FARP1: variants seen among roughly 807,000 people sequenced by gnomAD.
The protein encoded by FARP1 is FERM, ARHGEF and pleckstrin domain-containing protein 1.
Under a neutral mutation model 128.8 loss-of-function variants are expected in FARP1, and 52 were observed. That is an observed-to-expected ratio of 0.40 (90% CI 0.32 to 0.51). FARP1 has a LOEUF of 0.51. FARP1 is among the 20% of genes least tolerant of loss of function. The probability of loss-of-function intolerance (pLI) is 0.45; values close to 1 mark genes in which losing one functional copy is unlikely to be tolerated. For synonymous variants in FARP1, 580 were observed against 551.8 expected, an observed-to-expected ratio of 1.05 and a Z score of -0.72; for missense variants, 1,333 against 1,367.9, an observed-to-expected ratio of 0.97 and a Z score of 0.40.
intron 3 of FARP1, among the ~76,000 whole-genome samples, chr13:98,349,671 GGAAAAAAAA>G (rs1305738436): frequency 3.0e-4 from 25 of 83,144 alleles, no homozygotes; most frequent in African/African-American, 9.9e-4. Flanking sequence ...CCCATCTCAG[GGAAAAAAAA>G]AAAAAAAAAA....
chr13:98,334,058 A>T (rs1887635982), intron 2 of FARP1: 1 of 152,016 alleles, frequency 6.6e-6, no homozygotes, highest in Non-Finnish European at 1.5e-5. Flanking sequence ...CTTAATCCTT[A>T]CGGTGACCCA....
intron 2 of FARP1, among the ~76,000 whole-genome samples, chr13:98,239,980 G>T (rs543684509): frequency 1.3e-5 from 2 of 152,184 alleles, no homozygotes; most frequent in African/African-American, 2.4e-5. Context: ...TCCAGAGAGC[G>T]AGAGTGAAGT....
intron 2 of FARP1, among the ~76,000 whole-genome samples, chr13:98,271,161 G>C (rs887232042): frequency 6.6e-6 from 1 of 152,194 alleles, no homozygotes; most frequent in Non-Finnish European, 1.5e-5. Flanking sequence ...ATAAACACCT[G>C]AGAGTCTGCT....
intron 16 of FARP1, among the ~76,000 whole-genome samples, chr13:98,415,581 C>T (rs1468033278): frequency 6.6e-6 from 1 of 152,230 alleles, no homozygotes; most frequent in Non-Finnish European, 1.5e-5. Flanking sequence ...GTGGGTGTCA[C>T]ATCCAGGGTG....
Position 98,424,013 on chromosome 13 carries a change from G to A in FARP1, c.1827-559G>A, listed in dbSNP as rs369546829. Reference sequence around the variant, plus strand: ...CCCTACCCTATTCTATGGCATTTACGTCACTCCCACCTTAGGTACCATCTC... The same window carrying A: ...CCCTACCCTATTCTATGGCATTTACATCACTCCCACCTTAGGTACCATCTC... On this transcript the variant is annotated intron_variant, in intron 16 of 26. Transcript: ENST00000319562. Among the ~76,000 whole-genome samples, 19 of 152,094 alleles carry A rather than the reference G, an allele frequency of 1.2e-4. No individual in the cohort carries two copies. The East Asian group carries it at 2.7e-3, about 22-fold the overall frequency.
intron 24 of FARP1, chr13:98,445,223 A>G (rs1229413027): frequency 1.3e-5 from 2 of 152,264 alleles, no homozygotes; most frequent in Non-Finnish European, 2.9e-5. Context: ...AAATAGCTAT[A>G]CCACAATATT....
intron 2 of FARP1, among the ~76,000 whole-genome samples, chr13:98,287,208 C>CTTTTTTTTTTTTTTTTTTTTTTTTTT (rs71111939): frequency 5.3e-5 from 4 of 75,844 alleles, no homozygotes; most frequent in Non-Finnish European, 9.5e-5. Flanking sequence ...TCAGACATGT[C>CTTTTTTTTTTTTTTTTTTTTTTTTTT]TTTTTTTTTT....
At chr13:98,145,074 G>T (rs1220448235) in intron 1 of FARP1, among the ~76,000 whole-genome samples, 2 of 152,196 alleles carry the variant, frequency 1.3e-5, no homozygotes, top group African/African-American at 4.8e-5. Context: ...CTGCTTCTGG[G>T]TAAAATAAAT....
intron 2 of FARP1, among the ~76,000 whole-genome samples, chr13:98,341,646 A>G: frequency 6.6e-6 from 1 of 152,264 alleles, no homozygotes; most frequent in Non-Finnish European, 1.5e-5. Context: ...AAACAAAAAC[A>G]AACAACAACA....
chr13:98,375,398 C>T (rs1389036577), intron 5 of FARP1, among the ~76,000 whole-genome samples: 1 of 152,178 alleles, frequency 6.6e-6, no homozygotes, highest in Admixed American at 6.5e-5. Flanking sequence ...TTGCCAAATA[C>T]TTGAGGCAAA....
chr13:98,196,289 A>T (rs921718999), intron 1 of FARP1, among the ~76,000 whole-genome samples: 2 of 152,066 alleles, frequency 1.3e-5, no homozygotes, highest in Non-Finnish European at 2.9e-5. Context: ...TTGGCATGGG[A>T]GTTGAGACCA....
chr13:98,303,629 G>A (rs1315841910), intron 2 of FARP1, among the ~76,000 whole-genome samples: 2 of 152,112 alleles, frequency 1.3e-5, no homozygotes, highest in African/African-American at 4.8e-5. Flanking sequence ...CCCCGTTGTC[G>A]TCTTCTGAAA....
At chr13:98,238,090 T>A (rs1882534763) in intron 2 of FARP1, among the ~76,000 whole-genome samples, 1 of 152,174 alleles carries the variant, frequency 6.6e-6, no homozygotes, top group African/African-American at 2.4e-5. Flanking sequence ...GGTTTGATAA[T>A]TTTAGAAAAA....
At position 98,168,440 on chromosome 13, in the gene FARP1, A is replaced by T. The variant is rs9554443; in HGVS notation, c.-24+24948A>T. The stretch of plus-strand genomic sequence containing the variant: ...ATCGACTTTTAGTCTCTTCAGATTA[A>T]TCAGATCATTAGATATCCTGTTTCA... On this transcript the variant is annotated intron_variant, in intron 1 of 26. Coordinates refer to ENST00000319562, the MANE Select transcript of FARP1 (RefSeq NM_005766.4). Among the ~76,000 whole-genome samples the T allele has an allele frequency of 1.3e-3, 195 of 152,346 alleles. 5 individuals carry two copies. In the East Asian group the frequency reaches 0.034, roughly 27 times the overall value.
chr13:98,364,217 C>G (rs1888991607), intron 3 of FARP1, among the ~76,000 whole-genome samples: 1 of 152,126 alleles, frequency 6.6e-6, no homozygotes, highest in Non-Finnish European at 1.5e-5. Flanking sequence ...CTTTTTAGGG[C>G]TTAGGTCCTG....
In FARP1 at chr13:98,391,340, G is replaced by A. The variant is rs1006992835; in HGVS notation, c.1088+460G>A. Among the ~76,000 whole-genome samples, 3 of 152,166 alleles carry A rather than the reference G, an allele frequency of 2.0e-5. No homozygotes were observed. In the East Asian group the frequency reaches 5.8e-4, roughly 29 times the overall value. On this transcript the variant is annotated intron_variant, in intron 11 of 26. Coordinates refer to ENST00000319562, the MANE Select transcript of FARP1 (RefSeq NM_005766.4). The stretch of plus-strand genomic sequence containing the variant: ...GTTGCCCAGGCTGGAGTGCAGTGGT[G>A]TGATCACAGCCCACTGCAGCCTCAG...
At chr13:98,260,159 C>T (rs1444733042) in intron 2 of FARP1, among the ~76,000 whole-genome samples, 3 of 152,086 alleles carry the variant, frequency 2.0e-5, no homozygotes, top group Non-Finnish European at 2.9e-5. Context: ...CACACACACG[C>T]CCCTCGTCAA....
intron 1 of FARP1, among the ~76,000 whole-genome samples, chr13:98,147,194 C>CA (rs1875631698): frequency 6.6e-6 from 1 of 152,152 alleles, no homozygotes; most frequent in African/African-American, 2.4e-5. Flanking sequence ...ATACTTTGAG[C>CA]AAAAGTGGAT....
At chr13:98,309,153 C>CTTTTTTTTTTTTT (rs56030081) in intron 2 of FARP1, among the ~76,000 whole-genome samples, 2 of 89,670 alleles carry the variant, frequency 2.2e-5, no homozygotes, top group Non-Finnish European at 4.1e-5. Context: ...TTTAAGAGGC[C>CTTTTTTTTTTTTT]TTTTTTTTTT....
Sources: gnomAD v4.1 joint callset for allele counts (sites outside exome capture counted in the v4.1 genomes callset) on GRCh38, gnomAD v4.1.1 for gene constraint, MANE v1.5 for transcripts, NCBI Gene and HGNC (gene_info 2026-07-23, HGNC 2026-07-21) for gene names.